The following ZNF565 variants were observed in gnomAD, a reference collection of about 807,000 sequenced individuals.
ZNF565 encodes zinc finger protein 565.
Under a neutral mutation model 39.4 loss-of-function variants are expected in ZNF565, and 27 were observed. The observed-to-expected ratio is 0.69, with a 90% CI of 0.51 to 0.95. The LOEUF (loss-of-function observed/expected upper bound fraction) is 0.95. Among genes scored for constraint, ZNF565 ranks in the 40% least tolerant of loss-of-function variants. The pLI, the probability that ZNF565 is intolerant of heterozygous loss-of-function variation, is 0.00. For missense variants in ZNF565, 524 were observed against 621.1 expected (o/e 0.84, Z 1.66); for synonymous variants, 185 against 216.6 (o/e 0.85, Z 1.28).
At chr19:36,184,954 C>G (rs571230857) in intron 4 of ZNF565, among the ~76,000 whole-genome samples, 1 of 152,084 alleles carries the variant, frequency 6.6e-6, no homozygotes, top group African/African-American at 2.4e-5. Flanking sequence ...CCTGTCTCTA[C>G]TAAAAAATAC....
intron 2 of ZNF565, among the ~76,000 whole-genome samples, chr19:36,198,450 TAG>T (rs1568417643): frequency 6.6e-6 from 1 of 152,050 alleles, no homozygotes; most frequent in East Asian, 1.9e-4. Flanking sequence ...CTCATGGTCA[TAG>T]AGAGTAGAAG....
At chr19:36,210,009 T>A (rs993303631) in intron 1 of ZNF565, among the ~76,000 whole-genome samples, 1 of 152,032 alleles carries the variant, frequency 6.6e-6, no homozygotes. Flanking sequence ...ACATCTATAA[T>A]CCCAGAACTT....
chr19:36,195,053 T>C lies in ZNF565; in HGVS notation c.113A>G (p.Asn38Ser). 1 of 1,614,118 alleles carries C rather than the reference T, an allele frequency of 6.2e-7. No homozygotes were observed. Among genetic ancestry groups the C allele is most frequent in the Non-Finnish European group, 8.5e-7 (1 of 1,180,024 alleles). The change falls in exon 3 of 5, where the codon AAC becomes AGC. Residue 38 changes from asparagine (N) to serine (S), a missense_variant. Physicochemically the swap from Asn to Ser is conservative, Grantham distance 46 (BLOSUM62 1). Transcript: ENST00000304116. ...ACCTAGTGAGGCCAAGTGACCAAAG[T>C]TCTCCAGAGTCACCTCCCTGTACAA... ...RDLYREVTLE[N>S]FGHLASLGLS... is the part of the protein sequence containing the mutation.
chr19:36,204,053 G>A (rs1194955910), intron 1 of ZNF565, among the ~76,000 whole-genome samples: 5 of 150,842 alleles, frequency 3.3e-5, no homozygotes, highest in East Asian at 3.9e-4. Context: ...ATACTCAAGC[G>A]ATCCTTCCAC....
Position 36,182,761 on chromosome 19 carries a change from C to T in ZNF565, c.1205G>A (p.Arg402His), listed in dbSNP as rs1404048023. 11 of 1,613,786 alleles carry T rather than the reference C, an allele frequency of 6.8e-6. No individual in the cohort carries two copies. The highest frequency in any genetic ancestry group is 3.3e-5 in the Admixed American group (2 of 59,954). The change falls in exon 5 of 5, where the codon CGT becomes CAT. Residue 402 changes from arginine to histidine, a missense_variant. Arg to His is a conservative substitution (Grantham distance 29). Transcript: ENST00000304116. ...ECKDCGKAFS[R>H]SSYLIQHQRI... ...TTGATGTTGAATGAGGTATGAGCTACGACTAAATGCCTTCCCGCAGTCCTT... is the reference window on the plus strand; with the variant it reads ...TTGATGTTGAATGAGGTATGAGCTATGACTAAATGCCTTCCCGCAGTCCTT...
At chr19:36,222,897 C>CTT (rs34403288) in intron 1 of ZNF565, among the ~76,000 whole-genome samples, 4 of 141,922 alleles carry the variant, frequency 2.8e-5, no homozygotes, top group South Asian at 4.5e-4. Flanking sequence ...ATAATAGTTT[C>CTT]TTTTTTTACA....
At chr19:36,218,210 C>G (rs1363271236), upstream of ZNF565, 1 of 150,942 alleles carries the variant, frequency 6.6e-6, no homozygotes, top group East Asian at 1.9e-4. Flanking sequence ...GTACTTAAAC[C>G]TTGGGCCTCA....
In ZNF565 at chr19:36,198,128, T is replaced by TAAA. The variant is rs1008692501; in HGVS notation, c.10-2975_10-2973dup. 1.3e-3 allele frequency among the ~76,000 whole-genome samples: 183 copies of TAAA among 143,986 alleles called. 1 individual carries two copies. The highest frequency in any genetic ancestry group is 4.5e-3 in the African/African-American group (177 of 39,364). The allele number at this position is 143,986 out of a possible 152,430, so 94.5% of individuals were successfully genotyped here. The stretch of plus-strand genomic sequence containing the variant: ...TGGGCAACAAGAATGAAATTCCGTT[T>TAAA]AAAAAAAAAAAAGAAAGAAAGAAAG... On this transcript the variant is annotated intron_variant, in intron 2 of 4. Coordinates refer to ENST00000304116, the MANE Select transcript of ZNF565 (RefSeq NM_152477.5).
intron 1 of ZNF565, among the ~76,000 whole-genome samples, chr19:36,205,365 T>C (rs891560326): frequency 1.3e-5 from 2 of 151,960 alleles, no homozygotes; most frequent in Non-Finnish European, 2.9e-5. Flanking sequence ...GCATCTCTAC[T>C]AAAAATACAA....
upstream of ZNF565, chr19:36,218,196 G>T (rs1298620110): frequency 1.3e-5 from 2 of 151,002 alleles, no homozygotes; most frequent in South Asian, 2.1e-4. Flanking sequence ...GGGACCTCAG[G>T]TAGGTACTTA....
At chr19:36,228,275 C>T (rs564322326) in intron 1 of ZNF565, among the ~76,000 whole-genome samples, 1 of 140,932 alleles carries the variant, frequency 7.1e-6, no homozygotes, top group East Asian at 2.1e-4. Context: ...ACAACTTCTT[C>T]ACATTGTGCC....
In ZNF565 at chr19:36,191,314, CTT is replaced by C. The variant is rs768603825; in HGVS notation, c.232+2917_232+2918del. Among the ~76,000 whole-genome samples, 369 of 124,988 alleles carry C rather than the reference CTT, an allele frequency of 3.0e-3. 1 individual carries two copies. The highest frequency in any genetic ancestry group is 9.9e-3 in the African/African-American group (335 of 33,724). The allele number at this position is 124,988 out of a possible 152,430, so 82.0% of individuals were successfully genotyped here. ...GATCGATTTCCTACCATTTTTCTTT[CTT>C]TTTTTTTTTTTTTTTTCCCGAGATG... On this transcript the variant is annotated intron_variant, in intron 4 of 4. Transcript: ENST00000304116.
chr19:36,218,997 A>G (rs919383790), upstream of ZNF565, among the ~76,000 whole-genome samples: 14 of 150,392 alleles, frequency 9.3e-5, no homozygotes, highest in Non-Finnish European at 1.8e-4. Flanking sequence ...TTTAGTAGAG[A>G]CGGGATTTCA....
chr19:36,199,044 A>G (rs1975862904), intron 2 of ZNF565, among the ~76,000 whole-genome samples: 1 of 152,194 alleles, frequency 6.6e-6, no homozygotes, highest in Non-Finnish European at 1.5e-5. Context: ...TACTCCATAA[A>G]TATATATACC....
rs775969285 is a variant in ZNF565 at position 36,194,220 on chromosome 19, G to C, written c.232+13C>G. Reference sequence around the variant, plus strand: ...CCAGGGACCTTCCCCTGTCGAAATCGGCCCTCGCTTACCTGGGCACCATGG... The same window carrying C: ...CCAGGGACCTTCCCCTGTCGAAATCCGCCCTCGCTTACCTGGGCACCATGG... On this transcript the variant is annotated intron_variant, in intron 4 of 4. Transcript: ENST00000304116. 35 of 1,602,792 alleles carry C rather than the reference G, an allele frequency of 2.2e-5. No individual in the cohort carries two copies. In the South Asian group the frequency reaches 3.9e-4, roughly 18 times the overall value.
upstream of ZNF565, among the ~76,000 whole-genome samples, chr19:36,217,055 CT>C (rs752632008): frequency 0.017 from 1,111 of 65,818 alleles, 9 homozygotes; most frequent in African/African-American, 0.051. Context: ...CAGTCCCTGT[CT>C]TTTTTTTTTT....
At chr19:36,186,321 C>T (rs1975298179) in intron 4 of ZNF565, among the ~76,000 whole-genome samples, 3 of 152,292 alleles carry the variant, frequency 2.0e-5, no homozygotes, top group South Asian at 2.1e-4. Context: ...TTCAAGAAAG[C>T]TCTCAGCCTG....
chr19:36,233,640 C>G (rs1022182039), intron 1 of ZNF565, among the ~76,000 whole-genome samples: 1 of 152,156 alleles, frequency 6.6e-6, no homozygotes, highest in Admixed American at 6.5e-5. Context: ...ACAAATGTCT[C>G]TGCATCATAA....
chr19:36,233,662 A>G (rs1977499592), intron 1 of ZNF565, among the ~76,000 whole-genome samples: 1 of 152,204 alleles, frequency 6.6e-6, no homozygotes, highest in Non-Finnish European at 1.5e-5. Flanking sequence ...CAAGGTAAAG[A>G]AAAAAGTGCT....
Sources: gnomAD v4.1 joint callset for allele counts (sites outside exome capture counted in the v4.1 genomes callset) on GRCh38, gnomAD v4.1.1 for gene constraint, MANE v1.5 for transcripts, NCBI Gene and HGNC (gene_info 2026-07-23, HGNC 2026-07-21) for gene names.